Variants in VPS8 observed in about 807,000 individuals in gnomAD.
VPS8 encodes the protein vacuolar protein sorting-associated protein 8 homolog.
Under a neutral mutation model 216.4 loss-of-function variants are expected in VPS8, and 129 were observed. The observed-to-expected ratio is 0.60, with a 90% confidence interval of 0.52 to 0.69. VPS8 has a LOEUF of 0.69. Among genes scored for constraint, VPS8 ranks in the 30% least tolerant of loss-of-function variants. VPS8 has a pLI of 0.00. For missense variants in VPS8, 1,531 were observed against 1,683.5 expected, an observed-to-expected ratio of 0.91 and a Z score of 1.59; for synonymous variants, 571 against 565.4, an observed-to-expected ratio of 1.01 and a Z score of -0.14.
intron 46 of VPS8, among the ~76,000 whole-genome samples, chr3:185,025,466 A>G (rs752608807): frequency 5.9e-5 from 9 of 152,214 alleles, no homozygotes; most frequent in Non-Finnish European, 8.8e-5. Context: ...CTTCAAAGCA[A>G]TGTTCCAAAA....
intron 36 of VPS8, among the ~76,000 whole-genome samples, chr3:184,941,988 A>T (rs1410181637): frequency 6.6e-6 from 1 of 152,030 alleles, no homozygotes; most frequent in Non-Finnish European, 1.5e-5. Flanking sequence ...TCTTGGATTC[A>T]TCATATTTTA....
chr3:184,873,446 A>T (rs926820054), intron 21 of VPS8, among the ~76,000 whole-genome samples: 3 of 152,138 alleles, frequency 2.0e-5, no homozygotes, highest in African/African-American at 7.2e-5. Context: ...CAGACCCTTT[A>T]TGCATATTTA....
At chr3:184,930,686 A>G (rs1183687708) in intron 34 of VPS8, 118 bp downstream of exon 34, 6 of 692,570 alleles carry the variant, frequency 8.7e-6, no homozygotes, top group Non-Finnish European at 1.5e-5. Context: ...TAGGGTTGAA[A>G]TCTTTTTCGT....
intron 23 of VPS8, among the ~76,000 whole-genome samples, chr3:184,898,330 C>G (rs997293839): frequency 6.6e-6 from 1 of 152,012 alleles, no homozygotes; most frequent in African/African-American, 2.4e-5. Context: ...AGAGAAGAAA[C>G]AAAATTAGAC....
In VPS8 at chr3:184,886,471, A is replaced by T. The variant is rs116143433; in HGVS notation, c.1781+315A>T. 9.1e-3 allele frequency among the ~76,000 whole-genome samples: 1,372 copies of T among 151,102 alleles called. 27 individuals carry two copies. The highest frequency in any genetic ancestry group is 0.032 in the African/African-American group (1,312 of 41,238). On this transcript the variant is annotated intron_variant, in intron 22 of 47. Coordinates refer to ENST00000625842, the MANE Select transcript of VPS8 (RefSeq NM_001009921.3). ...TGATTCATTATATGTATATATATATACACACACACACGCATATATACACAC... is the reference window on the plus strand; with the variant it reads ...TGATTCATTATATGTATATATATATTCACACACACACGCATATATACACAC...
At position 185,010,037 on chromosome 3, in the gene VPS8, T is replaced by C. The variant is rs934456955; in HGVS notation, c.4002+10176T>C. ...CACCCAAAAGGATTAGATTGAACAATGTCCCAGACTCACAAAGAGCCAGAA... is the reference window on the plus strand; with the variant it reads ...CACCCAAAAGGATTAGATTGAACAACGTCCCAGACTCACAAAGAGCCAGAA... On this transcript the variant is annotated intron_variant, in intron 45 of 47. Transcript: ENST00000625842. Among the ~76,000 whole-genome samples, 15 of 140,330 alleles carry C rather than the reference T, an allele frequency of 1.1e-4. 1 individual carries two copies. The highest frequency in any genetic ancestry group is 2.2e-4 in the Non-Finnish European group (14 of 64,526). The allele number at this position is 140,330 out of a possible 152,430, so 92.1% of individuals were successfully genotyped here.
intron 25 of VPS8, among the ~76,000 whole-genome samples, chr3:184,901,702 C>G (rs575059424): frequency 2.0e-5 from 3 of 152,224 alleles, no homozygotes; most frequent in Admixed American, 2.0e-4. Flanking sequence ...AGAAAACTTT[C>G]ATTACCTCAA....
intron 21 of VPS8, among the ~76,000 whole-genome samples, chr3:184,877,732 CCA>C (rs1204198478): frequency 6.6e-6 from 1 of 152,136 alleles, no homozygotes; most frequent in Non-Finnish European, 1.5e-5. Context: ...ATGTTTCATC[CCA>C]CAGTTTATTC....
At position 185,039,393 on chromosome 3, in the gene VPS8, G is replaced by A. The variant is rs7646514; in HGVS notation, c.4057-9086G>A. 4.5e-3 allele frequency among the ~76,000 whole-genome samples: 683 copies of A among 152,074 alleles called. 7 individuals are homozygous for A. The highest frequency in any genetic ancestry group is 0.015 in the African/African-American group (639 of 41,500). On this transcript the variant is annotated intron_variant, in intron 46 of 47. Transcript: ENST00000625842. The stretch of plus-strand genomic sequence containing the variant: ...GCAGCACGTACCAGCATCTGCTTTC[G>A]GTGGGAGCCTCAGGCTGCCTCCACT...
At chr3:184,843,933 A>T (rs752471539) in intron 8 of VPS8, among the ~76,000 whole-genome samples, 1 of 152,194 alleles carries the variant, frequency 6.6e-6, no homozygotes, top group Admixed American at 6.5e-5. Flanking sequence ...GAAAATATCC[A>T]ACTAGCAATG....
chr3:185,045,340 C>T (rs916676842), intron 46 of VPS8, among the ~76,000 whole-genome samples: 6 of 152,128 alleles, frequency 3.9e-5, no homozygotes, highest in Admixed American at 2.0e-4. Flanking sequence ...TGTGACTGTC[C>T]GTGTCTTCAA....
rs976011025 is a variant in VPS8, at chr3:184,982,312, A to T, written c.3421-254A>T. ...CAGTTCCGAGGCCTAGACTTACTTAACAGTGGCCTCCTTACGTTTCCCAGG... is the reference window on the plus strand; with the variant it reads ...CAGTTCCGAGGCCTAGACTTACTTATCAGTGGCCTCCTTACGTTTCCCAGG... On this transcript the variant is annotated intron_variant, in intron 40 of 47. Coordinates refer to ENST00000625842, the MANE Select transcript of VPS8 (RefSeq NM_001009921.3). 9.6e-5 allele frequency: 44 copies of T among 457,972 alleles called. No homozygotes were observed. In the East Asian group the frequency reaches 1.7e-3, roughly 18 times the overall value. The allele number at this position is 457,972 out of a possible 1,614,324, so 28.4% of individuals were successfully genotyped here.
intron 45 of VPS8, among the ~76,000 whole-genome samples, chr3:185,000,592 T>C (rs943378546): frequency 1.4e-5 from 2 of 146,896 alleles, no homozygotes; most frequent in African/African-American, 5.0e-5. Flanking sequence ...GTTGGGCTTG[T>C]TACTTTTCTC....
chr3:185,012,980 A>ATTTC (rs1561115068), intron 45 of VPS8, among the ~76,000 whole-genome samples: 5 of 150,836 alleles, frequency 3.3e-5, no homozygotes, highest in African/African-American at 7.5e-5. Context: ...ACGGGAAATA[A>ATTTC]CTAAAAGCAT....
intron 45 of VPS8, among the ~76,000 whole-genome samples, chr3:185,022,853 A>G (rs1272278253): frequency 6.6e-6 from 1 of 151,566 alleles, no homozygotes; most frequent in African/African-American, 2.4e-5. Flanking sequence ...TTTTACTTTG[A>G]TCTCTTTCTA....
rs748904119 is a variant in VPS8, at chr3:184,866,855, G to A, written c.1396-21G>A. The A allele has an allele frequency of 3.7e-6, 6 of 1,601,172 alleles. No individual in the cohort carries two copies. In the East Asian group the frequency reaches 1.1e-4, roughly 30 times the overall value. ...ACAAAGGAATTTTTTTACCTTTTTT[G>A]TATGTATGTTTTTCTTCCAGGCTTT... On this transcript the variant is annotated intron_variant, in intron 16 of 47. Transcript: ENST00000625842.
rs376793503 is a variant in VPS8, at chr3:185,019,430, CAG to C, written c.4003-4902_4003-4901del. 3.8e-3 allele frequency among the ~76,000 whole-genome samples: 577 copies of C among 152,278 alleles called. 3 individuals carry two copies. The highest frequency in any genetic ancestry group is 0.013 in the African/African-American group (554 of 41,538). On this transcript the variant is annotated intron_variant, in intron 45 of 47. Transcript: ENST00000625842. ...AGCCTTCAGAGCTGAGAGCCTCTAA[CAG>C]AGATTTACCTACATATTTATTGACA...
chr3:184,948,405 A>G (rs1035914625), intron 36 of VPS8, among the ~76,000 whole-genome samples: 1 of 152,158 alleles, frequency 6.6e-6, no homozygotes, highest in Non-Finnish European at 1.5e-5. Context: ...AATCCCAGCT[A>G]TTCAGGAGGC....
chr3:185,026,367 C>G (rs1167277271), intron 46 of VPS8, among the ~76,000 whole-genome samples: 1 of 151,400 alleles, frequency 6.6e-6, no homozygotes, highest in Non-Finnish European at 1.5e-5. Context: ...CACAGGAGGT[C>G]CTAGAGTAAA....
Sources: gnomAD v4.1 joint callset for allele counts (sites outside exome capture counted in the v4.1 genomes callset) on GRCh38, gnomAD v4.1.1 for gene constraint, MANE v1.5 for transcripts, NCBI Gene and HGNC (gene_info 2026-07-23, HGNC 2026-07-21) for gene names.